SREK1: variants seen among roughly 807,000 people sequenced by gnomAD.
The protein encoded by SREK1 is splicing regulatory glutamine/lysine-rich protein 1.
A neutral mutation model predicts 66.5 loss-of-function variants in SREK1; 13 were observed. The observed-to-expected ratio is 0.20, with a 90% CI of 0.13 to 0.31. The LOEUF is 0.31. SREK1 is among the 10% of genes least tolerant of loss of function. SREK1 has a pLI of 1.00. For missense variants in SREK1, 607 were observed against 769.6 expected (o/e 0.79, Z 2.50); for synonymous variants, 265 against 263.5 (o/e 1.01, Z -0.05).
chr5:66,169,373 T>G (rs1188357900), intron 7 of SREK1: 1 of 152,182 alleles, frequency 6.6e-6, no homozygotes, highest in Non-Finnish European at 1.5e-5. Context: ...CACTGGAGCA[T>G]TTTGGATTTT....
intron 7 of SREK1, chr5:66,167,549 G>C (rs1745274979): frequency 1.3e-5 from 2 of 152,124 alleles, no homozygotes; most frequent in African/African-American, 2.4e-5. Context: ...AGTTAGATTA[G>C]ATCTGCTCTT....
intron 2 of SREK1, chr5:66,156,606 C>T (rs1744308132): frequency 2.0e-6 from 2 of 985,310 alleles, no homozygotes; most frequent in East Asian, 1.1e-4. Flanking sequence ...CTACATCTCT[C>T]ATAAAAACTG....
chr5:66,162,029 C>T (rs1744814415), intron 3 of SREK1, 80 bp from the exon 4 acceptor site: 5 of 1,499,752 alleles, frequency 3.3e-6, no homozygotes, highest in Admixed American at 4.4e-5. Flanking sequence ...TTAGTTCATT[C>T]TTTTCAAGAT....
chr5:66,174,825 A>C, intron 9 of SREK1, 121 bp from the exon 10 acceptor site: 9 of 831,146 alleles, frequency 1.1e-5, no homozygotes, highest in Non-Finnish European at 1.5e-5. Flanking sequence ...ACATAAGTTT[A>C]AACTGGCCTC....
intron 1 of SREK1, among the ~76,000 whole-genome samples, chr5:66,149,505 T>A (rs1580616477): frequency 6.6e-6 from 1 of 152,364 alleles, no homozygotes; most frequent in South Asian, 2.1e-4. Context: ...TGTCTTCAGA[T>A]GTAGTTGCAT....
At chr5:66,165,643 G>A (rs993586615) in intron 7 of SREK1, 1 of 152,216 alleles carries the variant, frequency 6.6e-6, no homozygotes. Flanking sequence ...TACAAATTTT[G>A]TTGTCTATTT....
At chr5:66,160,566 G>A (rs1162561032) in intron 3 of SREK1, among the ~76,000 whole-genome samples, 1 of 152,184 alleles carries the variant, frequency 6.6e-6, no homozygotes, top group Non-Finnish European at 1.5e-5. Context: ...ACAGATTATG[G>A]TAGGGCTTTT....
chr5:66,170,769 G>A lies in SREK1; in HGVS notation c.1306G>A (p.Glu436Lys). 1 of 1,601,550 alleles carries A rather than the reference G, an allele frequency of 6.2e-7. No homozygotes were observed. Among genetic ancestry groups the A allele is most frequent in the Non-Finnish European group, 8.5e-7 (1 of 1,173,574 alleles). ...EKDKEKDREREREKEHEKDRD... is the reference protein window; with the variant it reads ...EKDKEKDRERKREKEHEKDRD... ...AGACAAGGAAAAGGACAGAGAGAGA[G>A]AACGGGAAAAAGAGCATGAGAAGGA... is the stretch of plus-strand genomic sequence containing the variant. The change falls in exon 9 of 12, where the codon GAA (glutamate) becomes AAA (lysine). Residue 436 changes from glutamate to lysine, a missense_variant. Transcript: ENST00000334121.
At chr5:66,163,080 C>G (rs1744896030) in intron 5 of SREK1, 1 of 152,124 alleles carries the variant, frequency 6.6e-6, no homozygotes, top group Non-Finnish European at 1.5e-5. Context: ...TGATAATGGC[C>G]TTCGAGATAC....
chr5:66,174,882 G>T, intron 9 of SREK1, 64 bp from the exon 10 acceptor site: 1 of 1,488,612 alleles, frequency 6.7e-7, no homozygotes, highest in Non-Finnish European at 9.2e-7. Context: ...TTTTGCTTTT[G>T]TATATTTGAA....
intron 1 of SREK1, among the ~76,000 whole-genome samples, chr5:66,149,522 C>G (rs1267437565): frequency 6.6e-6 from 1 of 152,172 alleles, no homozygotes; most frequent in Non-Finnish European, 1.5e-5. Context: ...GCATTACAAA[C>G]CAGACTCAGA....
intron 2 of SREK1, chr5:66,158,776 C>T: frequency 7.9e-7 from 1 of 1,261,276 alleles, no homozygotes; most frequent in South Asian, 1.3e-5. Flanking sequence ...AAATGTTCTT[C>T]TTTTCTGTAT....
intron 9 of SREK1, among the ~76,000 whole-genome samples, chr5:66,173,283 T>G (rs1054319408): frequency 4.6e-5 from 7 of 152,138 alleles, no homozygotes; most frequent in Admixed American, 3.9e-4. Flanking sequence ...TTAAAGAAAA[T>G]GATATTAAAT....
At chr5:66,177,473 C>A (rs201600612) in intron 10 of SREK1, 41 bp from the exon 11 acceptor site, 4 of 1,460,000 alleles carry the variant, frequency 2.7e-6, no homozygotes, top group Non-Finnish European at 3.7e-6. Context: ...ATAGATCTTA[C>A]AATTTCTTAG....
intron 1 of SREK1, chr5:66,144,943 C>T (rs1743031572): frequency 1.0e-5 from 10 of 991,112 alleles, no homozygotes; most frequent in Non-Finnish European, 1.2e-5. Flanking sequence ...CGCGCCTGAG[C>T]CACAGTCCAG....
At chr5:66,144,811 T>C in intron 1 of SREK1, 1 of 1,154,268 alleles carries the variant, frequency 8.7e-7, no homozygotes, top group African/African-American at 1.6e-5. Flanking sequence ...CTGCTGGGTC[T>C]TCGAATTCCG....
At chr5:66,145,495 C>T (rs751793924) in intron 1 of SREK1, among the ~76,000 whole-genome samples, 2 of 151,950 alleles carry the variant, frequency 1.3e-5, no homozygotes, top group South Asian at 2.1e-4. Flanking sequence ...TGATTTATTT[C>T]CTAGTGATGC....
At chr5:66,172,850 AGACAGAGT>A (rs1745756060) in intron 9 of SREK1, among the ~76,000 whole-genome samples, 2 of 64,654 alleles carry the variant, frequency 3.1e-5, no homozygotes, top group Non-Finnish European at 5.3e-5. Flanking sequence ...TTTTTTTTTT[AGACAGAGT>A]GTCACTTTGT....
Position 66,170,950 on chromosome 5 carries a change from T to C in SREK1, c.1484+3T>C. ...CGAAGATCTCGTAGTTCCAGCAGGTTTGATAATGCTTAAAATTTTTACAAA... is the reference window on the plus strand; with the variant it reads ...CGAAGATCTCGTAGTTCCAGCAGGTCTGATAATGCTTAAAATTTTTACAAA... On this transcript the variant is annotated splice_donor_region_variant and intron_variant, in intron 9 of 11. Coordinates refer to ENST00000334121, the MANE Select transcript of SREK1 (RefSeq NM_001077199.3). 2 of 1,581,744 alleles carry C rather than the reference T, an allele frequency of 1.3e-6. No individual in the cohort carries two copies. The highest frequency in any genetic ancestry group is 1.7e-6 in the Non-Finnish European group (2 of 1,169,836).
Sources: allele counts gnomAD v4.1 joint callset (sites outside exome capture counted in the v4.1 genomes callset), GRCh38; gene constraint gnomAD v4.1.1; transcripts MANE v1.5; gene names NCBI Gene and HGNC (gene_info 2026-07-23, HGNC 2026-07-21).